SLC1A5: variants seen among roughly 807,000 people sequenced by gnomAD.
SLC1A5 encodes the protein solute carrier family 1 member 5, also known as neutral amino acid transporter B(0).
SLC1A5 carries 25 observed loss-of-function variants against 34.9 expected under a neutral mutation model. The observed-to-expected ratio is 0.72, with a 90% CI of 0.52 to 1.00. The LOEUF is 1.00. Ranked by LOEUF, SLC1A5 falls within the 50% of genes least tolerant of loss-of-function variation. SLC1A5 has a pLI of 0.00. For missense variants in SLC1A5, 637 were observed against 740.0 expected (o/e 0.86, Z 1.61); for synonymous variants, 351 against 341.2 (o/e 1.03, Z -0.32).
intron 5 of SLC1A5, 111 bp from the exon 6 acceptor site, chr19:46,777,516 C>T: frequency 1.1e-6 from 1 of 931,816 alleles, no homozygotes; most frequent in African/African-American, 1.7e-5. Flanking sequence ...CCAGCCAAAG[C>T]CCCACCCACC....
At chr19:46,784,990 G>T in intron 1 of SLC1A5, 1 of 666,842 alleles carries the variant, frequency 1.5e-6, no homozygotes, top group Non-Finnish European at 2.0e-6. Flanking sequence ...GCGGTGGCGG[G>T]GAGGGAGAAA....
At chr19:46,782,349 C>CCCCCCCCCCCCCCCCCCCACCA in intron 4 of SLC1A5, 34 bp downstream of exon 4, 1 of 592,810 alleles carries the variant, frequency 1.7e-6, no homozygotes, top group Non-Finnish European at 3.0e-6. Flanking sequence ...CCCTCCAACC[C>CCCCCCCCCCCCCCCCCCCACCA]CACCCACCCC....
chr19:46,778,653 C>CAA, intron 5 of SLC1A5, 22 bp downstream of exon 5: 1 of 1,152,568 alleles, frequency 8.7e-7, no homozygotes, highest in Non-Finnish European at 1.3e-6. Flanking sequence ...ACATCCCACC[C>CAA]TAGCCCACCC....
intron 5 of SLC1A5, 124 bp downstream of exon 5, chr19:46,778,551 T>C (rs2055117012): frequency 1.5e-6 from 1 of 672,448 alleles, no homozygotes; most frequent in East Asian, 2.7e-5. Context: ...TCCAGGACCT[T>C]ATGAGAATCT....
Position 46,787,111 on chromosome 19 carries a change from AGT to A in SLC1A5, c.566+287_566+288del. ...GTTCCTCCTGGGGTCCCCTCCCCTC[AGT>A]GTCTTTCTCCCCTAGGCAGACCCTC... On this transcript the variant is annotated intron_variant, in intron 1 of 7. Transcript: ENST00000542575. The surrounding 1 kb of genome is among the most constrained non-coding windows in gnomAD (Gnocchi z 5.2). The A allele has an allele frequency of 1.4e-6, 1 of 700,374 alleles. No homozygotes were observed. Among genetic ancestry groups the A allele is most frequent in the Non-Finnish European group, 2.0e-6 (1 of 498,312 alleles). 43.4% of individuals were successfully genotyped at this position (700,374 alleles called of 1,614,324 possible).
chr19:46,785,856 G>C (rs1056254146), intron 1 of SLC1A5, among the ~76,000 whole-genome samples: 1 of 152,174 alleles, frequency 6.6e-6, no homozygotes, highest in African/African-American at 2.4e-5. Flanking sequence ...GAGGTGGGCA[G>C]ATAACTTGAG....
Position 46,777,377 on chromosome 19 carries a change from A to T in SLC1A5, c.1087T>A (p.Cys363Ser). Residue 363 changes from cysteine (C) to serine (S), a missense_variant, in exon 6 of 8, where the codon TGC becomes AGC. Transcript: ENST00000542575. ...GCCACGCCATTATTCTCCTCCACGC[A>T]CTTCATCATCAGCGGCAGCGTGGCG... ...SSATLPLMMK[C>S]VEENNGVAKH... 1 of 1,611,660 alleles carries T rather than the reference A, an allele frequency of 6.2e-7. No individual in the cohort carries two copies. The highest frequency in any genetic ancestry group is 8.5e-7 in the Non-Finnish European group (1 of 1,179,184).
rs757072281 is a variant in SLC1A5, at chr19:46,778,705, G to A, written c.1028C>T (p.Pro343Leu). ...AGAGGTCCCAAAGGCAGTGGCCAGCGGCGTCACGATGCCCCACAGGAAGCG... is the reference window on the plus strand; with the variant it reads ...AGAGGTCCCAAAGGCAGTGGCCAGCAGCGTCACGATGCCCCACAGGAAGCG... ...PYRFLWGIVT[P>L]LATAFGTSSS... The change falls in exon 5 of 8, where the codon CCG (proline) becomes CTG (leucine). Residue 343 changes from proline (P) to leucine (L), a missense_variant. Coordinates refer to ENST00000542575, the MANE Select transcript of SLC1A5 (RefSeq NM_005628.3). 2.0e-6 allele frequency: 3 copies of A among 1,502,076 alleles called. No homozygotes were observed. The highest frequency in any genetic ancestry group is 1.8e-4 in the Middle Eastern group (1 of 5,468). 93.0% of individuals were successfully genotyped at this position (1,502,076 alleles called of 1,614,324 possible). A position where few individuals can be genotyped will look rare whatever the true frequency, so the allele number is the denominator to read the frequency against.
chr19:46,775,876 C>T (rs2055084168), intron 7 of SLC1A5, 129 bp from the exon 8 acceptor site: 3 of 927,958 alleles, frequency 3.2e-6, no homozygotes, highest in Admixed American at 3.2e-5. Flanking sequence ...GAGTTGGAGT[C>T]AGCCTGGGCA....
intron 4 of SLC1A5, among the ~76,000 whole-genome samples, chr19:46,781,691 C>A (rs1225468176): frequency 6.6e-6 from 1 of 152,196 alleles, no homozygotes; most frequent in African/African-American, 2.4e-5. Flanking sequence ...CTAGTTATCT[C>A]CCCAGTCCCT....
chr19:46,783,034 G>A (rs541576061), intron 3 of SLC1A5, among the ~76,000 whole-genome samples: 5 of 152,288 alleles, frequency 3.3e-5, no homozygotes, highest in South Asian at 2.1e-4. Flanking sequence ...GCAGCCAGGC[G>A]GGCTGGCAGG....
rs749968760 is a variant in SLC1A5, at chr19:46,784,112, G to A, written c.642C>T (p.Thr214=). 46 of 1,613,214 alleles carry A rather than the reference G, an allele frequency of 2.9e-5. No homozygotes were observed. In the African/African-American group the frequency reaches 2.9e-4, roughly 10 times the overall value. The change falls in exon 3 of 8, where the codon ACC becomes ACT. Residue 214 remains threonine (T), a synonymous_variant. Coordinates refer to ENST00000542575, the MANE Select transcript of SLC1A5 (RefSeq NM_005628.3). ...CTGCTCTCACCTTCACCCTGGTTCC[G>A]GTGATATTCCTCTCTTCATAGGTGG... is the stretch of plus-strand genomic sequence containing the variant. ...YSTTYEERNI[T]GTRVKVPVGQ... is the part of the protein sequence containing the mutation.
chr19:46,785,940 C>T (rs956137028), intron 1 of SLC1A5, among the ~76,000 whole-genome samples: 8 of 151,514 alleles, frequency 5.3e-5, no homozygotes, highest in Non-Finnish European at 4.4e-5. Context: ...ATTATCCAGG[C>T]GTGGTGGCAC....
rs749164545 is a variant in SLC1A5 at position 46,775,081 on chromosome 19, ACACACACACG to A, written c.*419_*428del. 1 of 863,618 alleles carries A rather than the reference ACACACACACG, an allele frequency of 1.2e-6. No individual in the cohort carries two copies. The highest frequency in any genetic ancestry group is 1.4e-6 in the Non-Finnish European group (1 of 715,740). The allele number at this position is 863,618 out of a possible 1,614,324, so 53.5% of individuals were successfully genotyped here. ...CACACACACACACACACACACACAC[ACACACACACG>A]TGCACACACACATCCCCCCACAACT... On this transcript the variant is annotated 3_prime_UTR_variant, in exon 8 of 8. Transcript: ENST00000542575.
In SLC1A5 at chr19:46,775,055, AC is replaced by A; in HGVS notation, c.*454del. On this transcript the variant is annotated 3_prime_UTR_variant, in exon 8 of 8. Coordinates refer to ENST00000542575, the MANE Select transcript of SLC1A5 (RefSeq NM_005628.3). ...CCATGGGGACAGGAGGTCACAGAAC[AC>A]ACACACACACACACACACACACACA... 8.6e-4 allele frequency: 4 copies of A among 4,642 alleles called. No individual in the cohort carries two copies. The South Asian group carries it at 0.047, about 54-fold the overall frequency. 0.3% of individuals were successfully genotyped at this position (4,642 alleles called of 1,614,324 possible). A position where few individuals can be genotyped will look rare whatever the true frequency, so the allele number is the denominator to read the frequency against.
chr19:46,787,911 C>T lies in SLC1A5; in HGVS notation c.55G>A (p.Ala19Thr). Reference protein sequence around the residue: ...SKGLAAAEPTANGGLALASIE... With the variant: ...SKGLAAAEPTTNGGLALASIE... ...GAGGCCAGCGCCAGGCCCCCGTTGG[C>T]GGTGGGCTCCGCCGCTGCGAGCCCC... Residue 19 changes from alanine to threonine, a missense_variant, in exon 1 of 8, where the codon GCC becomes ACC. Coordinates refer to ENST00000542575, the MANE Select transcript of SLC1A5 (RefSeq NM_005628.3). The surrounding 1 kb of genome is among the most constrained non-coding windows in gnomAD (Gnocchi z 5.2). The T allele has an allele frequency of 6.4e-7, 1 of 1,573,344 alleles. No individual in the cohort carries two copies.
Position 46,775,538 on chromosome 19 carries a change from AC to A in SLC1A5, c.1597del (p.Val533SerfsTer29). ...HYRGPAGDAT[V>X]ASEKESVM is the part of the protein sequence containing the mutation. The stretch of plus-strand genomic sequence containing the variant: ...CATGACTGATTCCTTCTCAGAGGCG[AC>A]CGTGGCATCCCCTGCGGGCCCCCGA... On this transcript the variant is annotated frameshift_variant, in exon 8 of 8. Coordinates refer to ENST00000542575, the MANE Select transcript of SLC1A5 (RefSeq NM_005628.3). LOFTEE classifies it high-confidence loss of function. The A allele has an allele frequency of 6.2e-7, 1 of 1,613,228 alleles. No individual in the cohort carries two copies. The highest frequency in any genetic ancestry group is 8.5e-7 in the Non-Finnish European group (1 of 1,179,516).
chr19:46,776,951 C>T, intron 7 of SLC1A5, 24 bp downstream of exon 7: 4 of 1,609,010 alleles, frequency 2.5e-6, no homozygotes, highest in Non-Finnish European at 3.4e-6. Flanking sequence ...CTGGCCCTGC[C>T]CCAGTCTCCA....
At chr19:46,776,260 G>A (rs1301228518) in intron 7 of SLC1A5, among the ~76,000 whole-genome samples, 2 of 147,726 alleles carry the variant, frequency 1.4e-5, no homozygotes, top group African/African-American at 5.0e-5. Flanking sequence ...GAGTGCAGTG[G>A]CACAATCTCG....
Sources: gnomAD v4.1 joint callset for allele counts (sites outside exome capture counted in the v4.1 genomes callset) on GRCh38, gnomAD v4.1.1 for gene constraint, Gnocchi (gnomAD v3.1) non-coding constraint, MANE v1.5 for transcripts, NCBI Gene and HGNC (gene_info 2026-07-23, HGNC 2026-07-21) for gene names.